The following WIPF3 variants were observed in gnomAD, a reference collection of about 807,000 sequenced individuals.
The protein encoded by WIPF3 is WAS/WASL interacting protein family member 3, also known as WAS/WASL-interacting protein family member 3.
A neutral mutation model predicts 38.9 loss-of-function variants in WIPF3; 33 were observed. The observed-to-expected ratio is 0.85, with a 90% CI of 0.64 to 1.14. The LOEUF is 1.14. Among genes scored for constraint, WIPF3 ranks in the 50% most tolerant of loss-of-function variants. The pLI is 0.00. For synonymous variants in WIPF3, 324 were observed against 269.3 expected, an observed-to-expected ratio of 1.20 and a Z score of -1.99; for missense variants, 711 against 652.5, an observed-to-expected ratio of 1.09 and a Z score of -0.98.
intron 7 of WIPF3, 53 bp downstream of exon 7, chr7:29,889,460 G>T: frequency 7.4e-7 from 1 of 1,343,548 alleles, no homozygotes; most frequent in Middle Eastern, 1.8e-4. Flanking sequence ...TCAAAATTAG[G>T]TGCCCACTGT....
At chr7:29,882,087 A>G in intron 4 of WIPF3, among the ~76,000 whole-genome samples, 1 of 152,180 alleles carries the variant, frequency 6.6e-6, no homozygotes, top group East Asian at 1.9e-4. Context: ...TGCGCATGTT[A>G]GGATAAAAAT....
At chr7:29,812,638 AGGG>A (rs1458155928) in intron 1 of WIPF3, among the ~76,000 whole-genome samples, 3 of 152,244 alleles carry the variant, frequency 2.0e-5, no homozygotes. Flanking sequence ...ACAGTGTCAC[AGGG>A]TTGTTCTAAA....
In WIPF3 at chr7:29,817,561, G is replaced by A. The variant is rs1417285558; in HGVS notation, c.-58+10883G>A. Among the ~76,000 whole-genome samples, 3 of 151,902 alleles carry A rather than the reference G, an allele frequency of 2.0e-5. No individual in the cohort carries two copies. In the East Asian group the frequency reaches 5.8e-4, roughly 29 times the overall value. ...TGTTAGCTAACTTAATTTTTTTCCA[G>A]ATTACTACCCAATTTACTCAATACT... On this transcript the variant is annotated intron_variant, in intron 1 of 8. Coordinates refer to ENST00000242140, the MANE Select transcript of WIPF3 (RefSeq NM_001080529.3).
At position 29,852,237 on chromosome 7, in the gene WIPF3, G is replaced by A. The variant is rs189862555; in HGVS notation, c.90+17423G>A. ...CCCAGGCTGGTTTCAAACTCCTGGC[G>A]TCAAGCAATCCTCCTGCCTTGGCCT... is the stretch of plus-strand genomic sequence containing the variant. On this transcript the variant is annotated intron_variant, in intron 2 of 8. Transcript: ENST00000242140. Among the ~76,000 whole-genome samples the A allele has an allele frequency of 1.4e-3, 220 of 152,178 alleles. 1 individual carries two copies. The highest frequency in any genetic ancestry group is 4.5e-3 in the African/African-American group (186 of 41,520).
chr7:29,831,718 C>T (rs1489200291), intron 1 of WIPF3, among the ~76,000 whole-genome samples: 5 of 152,166 alleles, frequency 3.3e-5, no homozygotes, highest in African/African-American at 7.2e-5. Context: ...GTCAGGGACC[C>T]GGACTCCTTT....
chr7:29,857,181 C>T (rs1785199424), intron 2 of WIPF3, among the ~76,000 whole-genome samples: 1 of 152,050 alleles, frequency 6.6e-6, no homozygotes, highest in Admixed American at 6.6e-5. Flanking sequence ...ACTCACACAC[C>T]TCCCTCACCT....
At chr7:29,808,719 G>A (rs78803092) in intron 1 of WIPF3, among the ~76,000 whole-genome samples, 6,217 of 135,196 alleles carry the variant, frequency 0.046, 447 homozygotes, top group African/African-American at 0.16. Flanking sequence ...GTGTGTGTGT[G>A]TGTGTCTAAG....
chr7:29,914,696 G>T lies in WIPF3; in HGVS notation c.*180G>T. On this transcript the variant is annotated 3_prime_UTR_variant, in exon 9 of 9. Transcript: ENST00000242140. ...CAGTATTTTAATTGACTTTTATTTCGGTAATATTTTTTAAAACACCCCTCA... is the reference window on the plus strand; with the variant it reads ...CAGTATTTTAATTGACTTTTATTTCTGTAATATTTTTTAAAACACCCCTCA... 2.3e-6 allele frequency: 1 copy of T among 440,628 alleles called. No homozygotes were observed. Among genetic ancestry groups the T allele is most frequent in the Non-Finnish European group, 4.0e-6 (1 of 249,846 alleles). The allele number at this position is 440,628 out of a possible 1,614,324, so 27.3% of individuals were successfully genotyped here. A position where few individuals can be genotyped will look rare whatever the true frequency, so the allele number is the denominator to read the frequency against.
chr7:29,819,284 TTTCAA>T (rs1784502567), intron 1 of WIPF3, among the ~76,000 whole-genome samples: 1 of 151,952 alleles, frequency 6.6e-6, no homozygotes, highest in Non-Finnish European at 1.5e-5. Flanking sequence ...TGGTTGTCTG[TTTCAA>T]TTCAAGTTTT....
chr7:29,853,833 G>C (rs576931865), intron 2 of WIPF3, among the ~76,000 whole-genome samples: 1 of 152,196 alleles, frequency 6.6e-6, no homozygotes, highest in Non-Finnish European at 1.5e-5. Flanking sequence ...GACCATCCAG[G>C]TGTTCACTGG....
intron 5 of WIPF3, among the ~76,000 whole-genome samples, chr7:29,884,822 C>G (rs994126614): frequency 1.3e-5 from 2 of 152,218 alleles, no homozygotes; most frequent in African/African-American, 4.8e-5. Flanking sequence ...TCTGTTCTCC[C>G]TTCTATTCAT....
At chr7:29,898,630 C>T (rs1786208127) in intron 7 of WIPF3, among the ~76,000 whole-genome samples, 1 of 152,158 alleles carries the variant, frequency 6.6e-6, no homozygotes, top group African/African-American at 2.4e-5. Flanking sequence ...CCTCATTGTG[C>T]TCTAACAACA....
chr7:29,895,635 A>C (rs1015350605), intron 7 of WIPF3, among the ~76,000 whole-genome samples: 1 of 152,258 alleles, frequency 6.6e-6, no homozygotes, highest in Non-Finnish European at 1.5e-5. Flanking sequence ...TACAGGAAGC[A>C]TAATGCCAGC....
chr7:29,843,890 G>A (rs1168360845), intron 2 of WIPF3, among the ~76,000 whole-genome samples: 1 of 152,126 alleles, frequency 6.6e-6, no homozygotes, highest in East Asian at 2.0e-4. Context: ...ATCAGGTGGG[G>A]TGAGGAGGGG....
At chr7:29,903,474 C>T (rs752073384) in intron 7 of WIPF3, among the ~76,000 whole-genome samples, 18 of 151,800 alleles carry the variant, frequency 1.2e-4, no homozygotes, top group Non-Finnish European at 2.5e-4. Context: ...AATAGCACAG[C>T]AATCTGGATT....
At chr7:29,852,629 G>T (rs1785121471) in intron 2 of WIPF3, among the ~76,000 whole-genome samples, 1 of 152,126 alleles carries the variant, frequency 6.6e-6, no homozygotes, top group Non-Finnish European at 1.5e-5. Flanking sequence ...GTAGCCCTAG[G>T]GCTATGCAAC....
chr7:29,842,832 A>G (rs1015175744), intron 2 of WIPF3, among the ~76,000 whole-genome samples: 2 of 152,172 alleles, frequency 1.3e-5, no homozygotes, highest in African/African-American at 2.4e-5. Flanking sequence ...TATTCTGGAA[A>G]AGGTAATTTG....
At position 29,879,060 on chromosome 7, in the gene WIPF3, C is replaced by G; in HGVS notation, c.275C>G (p.Ala92Gly). Residue 92 changes from alanine to glycine, a missense_variant, in exon 4 of 9, where the codon GCG (alanine) becomes GGG (glycine). Ala to Gly is a moderately conservative substitution (Grantham distance 60). Coordinates refer to ENST00000242140, the MANE Select transcript of WIPF3 (RefSeq NM_001080529.3). ...EGGGSANTRG[A>G]STPPTLGDLF... is the part of the protein sequence containing the mutation. ...GGAGGTTCTGCAAACACACGAGGCG[C>G]GAGCACACCTCCCACCCTGGGAGAT... The G allele has an allele frequency of 6.2e-7, 1 of 1,608,844 alleles. No homozygotes were observed.
intron 2 of WIPF3, among the ~76,000 whole-genome samples, chr7:29,869,691 C>T (rs1306227165): frequency 1.3e-5 from 2 of 152,188 alleles, no homozygotes; most frequent in East Asian, 1.9e-4. Flanking sequence ...CTTCCCATCC[C>T]TAACATTTAT....
Sources: gnomAD v4.1 joint callset for allele counts (sites outside exome capture counted in the v4.1 genomes callset) on GRCh38, gnomAD v4.1.1 for gene constraint, MANE v1.5 for transcripts, NCBI Gene and HGNC (gene_info 2026-07-23, HGNC 2026-07-21) for gene names.